PLXNA4: variants seen among roughly 807,000 people sequenced by gnomAD.
PLXNA4 encodes plexin A4, also known as plexin-A4.
Under a neutral mutation model 191.8 loss-of-function variants are expected in PLXNA4, and 44 were observed. The ratio of observed to expected loss-of-function variants is 0.23; its 90% CI spans 0.18 to 0.29. The LOEUF is 0.29. Ranked by LOEUF, PLXNA4 falls within the 10% of genes least tolerant of loss-of-function variation. The pLI is 1.00. For missense variants in PLXNA4, 1,800 were observed against 2,488.8 expected (o/e 0.72, Z 5.89); for synonymous variants, 1,082 against 1,009.5 (o/e 1.07, Z -1.36).
rs1794694705 is a variant in PLXNA4, at chr7:132,123,655, A to AAGAT, written c.*6820_*6823dup. On this transcript the variant is annotated 3_prime_UTR_variant, in exon 32 of 32. Transcript: ENST00000321063. ...AGGCTCATTTTAACACTGTTGTCTAAAGATATGCTTTGCTTTGTTCTAACA... is the reference window on the plus strand; with the variant it reads ...AGGCTCATTTTAACACTGTTGTCTAAAGATAGATATGCTTTGCTTTGTTCTAACA... The AAGAT allele has an allele frequency of 6.6e-6, 1 of 152,096 alleles. No individual in the cohort carries two copies. Among genetic ancestry groups the AAGAT allele is most frequent in the Non-Finnish European group, 1.5e-5 (1 of 68,024 alleles). 9.4% of individuals were successfully genotyped at this position (152,096 alleles called of 1,614,324 possible).
chr7:132,317,392 A>ATTGGG (rs555111678), intron 3 of PLXNA4, among the ~76,000 whole-genome samples: 2,137 of 145,540 alleles, frequency 0.015, 40 homozygotes, highest in African/African-American at 0.052. Context: ...GTTGGGTTGG[A>ATTGGG]TTGGGTTGGG....
chr7:132,374,105 C>T (rs984311830), intron 3 of PLXNA4, among the ~76,000 whole-genome samples: 2 of 152,170 alleles, frequency 1.3e-5, no homozygotes, highest in African/African-American at 4.8e-5. Flanking sequence ...GTGAAGATGG[C>T]AGCTTGGCTC....
chr7:132,469,610 A>T (rs1176983278), intron 3 of PLXNA4, among the ~76,000 whole-genome samples: 1 of 152,212 alleles, frequency 6.6e-6, no homozygotes, highest in Non-Finnish European at 1.5e-5. Flanking sequence ...TTGCAAAGCC[A>T]AGCAGAGAAC....
chr7:132,584,324 A>G (rs1385966154), intron 2 of PLXNA4, among the ~76,000 whole-genome samples: 1 of 152,198 alleles, frequency 6.6e-6, no homozygotes, highest in African/African-American at 2.4e-5. Context: ...CTAAAATCAA[A>G]TTGTTATTCT....
intron 9 of PLXNA4, among the ~76,000 whole-genome samples, chr7:132,219,711 A>G (rs142911837): frequency 4.6e-5 from 7 of 152,232 alleles, no homozygotes; most frequent in South Asian, 2.1e-4. Flanking sequence ...ATATACAGTA[A>G]TGTTCCACAG....
chr7:132,430,044 G>C (rs1795201623), intron 3 of PLXNA4, among the ~76,000 whole-genome samples: 1 of 152,150 alleles, frequency 6.6e-6, no homozygotes, highest in Non-Finnish European at 1.5e-5. Context: ...TCTATGCAGA[G>C]GGTATTTGTG....
At chr7:132,364,207 TG>T (rs1448511606) in intron 3 of PLXNA4, among the ~76,000 whole-genome samples, 1 of 152,154 alleles carries the variant, frequency 6.6e-6, no homozygotes, top group African/African-American at 2.4e-5. Flanking sequence ...GCAGACATGG[TG>T]GGAGGAAGCC....
At chr7:132,532,774 C>G (rs1799670889) in intron 1 of PLXNA4, among the ~76,000 whole-genome samples, 1 of 152,234 alleles carries the variant, frequency 6.6e-6, no homozygotes, top group African/African-American at 2.4e-5. Context: ...GAACTACTCT[C>G]TATTGCCCAT....
At chr7:132,446,542 C>T (rs1795918105) in intron 3 of PLXNA4, among the ~76,000 whole-genome samples, 2 of 152,220 alleles carry the variant, frequency 1.3e-5, no homozygotes, top group Admixed American at 1.3e-4. Context: ...TGAACTCTGA[C>T]TCTATCTCTC....
chr7:132,343,341 T>A (rs909766712), intron 3 of PLXNA4, among the ~76,000 whole-genome samples: 4 of 152,194 alleles, frequency 2.6e-5, no homozygotes, highest in African/African-American at 9.7e-5. Flanking sequence ...CATCCATTCA[T>A]CCATGGAACT....
intron 3 of PLXNA4, among the ~76,000 whole-genome samples, chr7:132,468,827 C>T (rs1414084644): frequency 6.6e-6 from 1 of 152,008 alleles, no homozygotes; most frequent in Non-Finnish European, 1.5e-5. Flanking sequence ...TTATGTAACA[C>T]ATCAGCTGTT....
rs552941536 is a variant in PLXNA4, at chr7:132,452,314, C to G, written c.1371+36978G>C. 1.3e-5 allele frequency among the ~76,000 whole-genome samples: 2 copies of G among 152,196 alleles called. 1 individual carries two copies. The highest frequency in any genetic ancestry group is 4.1e-4 in the South Asian group (2 of 4,830). On this transcript the variant is annotated intron_variant, in intron 3 of 31. Coordinates refer to ENST00000321063, the MANE Select transcript of PLXNA4 (RefSeq NM_020911.2). ...CAGCAATAAAAGGCCAGGCTTCTGC[C>G]TCCCACATTAGCGTCCCACCCATCA...
intron 3 of PLXNA4, among the ~76,000 whole-genome samples, chr7:132,323,002 T>G (rs890328894): frequency 1.3e-5 from 2 of 152,144 alleles, no homozygotes; most frequent in African/African-American, 4.8e-5. Context: ...GGAGGGGTGG[T>G]GCACATTTGT....
intron 2 of PLXNA4, among the ~76,000 whole-genome samples, chr7:132,618,899 G>C (rs1474516502): frequency 6.6e-6 from 1 of 152,116 alleles, no homozygotes; most frequent in African/African-American, 2.4e-5. Flanking sequence ...GGCTCCATGA[G>C]AGAAGTGGAC....
intron 4 of PLXNA4, among the ~76,000 whole-genome samples, chr7:132,241,610 CCTT>C (rs1798882728): frequency 6.6e-6 from 1 of 152,156 alleles, no homozygotes; most frequent in Non-Finnish European, 1.5e-5. Context: ...TTCCAGTCCT[CCTT>C]CAAGTTTCGT....
intron 2 of PLXNA4, among the ~76,000 whole-genome samples, chr7:132,498,797 T>G (rs1444676063): frequency 6.6e-6 from 1 of 152,174 alleles, no homozygotes; most frequent in Admixed American, 6.5e-5. Flanking sequence ...GAAAACAGGA[T>G]AGAAAGTCAT....
At chr7:132,410,412 T>C (rs903616370) in intron 3 of PLXNA4, among the ~76,000 whole-genome samples, 1 of 152,122 alleles carries the variant, frequency 6.6e-6, no homozygotes, top group African/African-American at 2.4e-5. Context: ...AGCACAGAGA[T>C]GTGAAGCTGC....
At chr7:132,205,521 G>C (rs1797588328) in intron 10 of PLXNA4, among the ~76,000 whole-genome samples, 1 of 152,028 alleles carries the variant, frequency 6.6e-6, no homozygotes, top group Non-Finnish European at 1.5e-5. Flanking sequence ...GTGTGTGAGA[G>C]AGAGAGAGAG....
At chr7:132,179,624 G>A (rs1796636117) in intron 20 of PLXNA4, 63 bp downstream of exon 20, 3 of 1,574,200 alleles carry the variant, frequency 1.9e-6, no homozygotes, top group African/African-American at 2.7e-5. Flanking sequence ...ACACAGATGT[G>A]CATGCACACA....
Sources: allele counts gnomAD v4.1 joint callset (sites outside exome capture counted in the v4.1 genomes callset), GRCh38; gene constraint gnomAD v4.1.1; transcripts MANE v1.5; gene names NCBI Gene and HGNC (gene_info 2026-07-23, HGNC 2026-07-21).